Variants in SNTG1 observed in about 807,000 individuals in gnomAD.
The protein encoded by SNTG1 is syntrophin gamma 1.
Under a neutral mutation model 74.7 loss-of-function variants are expected in SNTG1, and 39 were observed. The ratio of observed to expected loss-of-function variants is 0.52; its 90% CI spans 0.40 to 0.68. SNTG1 has a LOEUF of 0.68. Among genes scored for constraint, SNTG1 ranks in the 30% least tolerant of loss-of-function variants. The probability of loss-of-function intolerance (pLI) is 0.00; values close to 1 mark genes in which losing one functional copy is unlikely to be tolerated. For missense variants in SNTG1, 685 were observed against 609.5 expected (o/e 1.12, Z -1.30); for synonymous variants, 254 against 217.1 (o/e 1.17, Z -1.49).
chr8:50,114,134 C>G (rs1324620266), intron 1 of SNTG1, among the ~76,000 whole-genome samples: 2 of 152,038 alleles, frequency 1.3e-5, no homozygotes, highest in Non-Finnish European at 1.5e-5. Context: ...TACTATATCA[C>G]ATAAGAGACA....
At chr8:50,053,783 T>A (rs929618899) in intron 1 of SNTG1, among the ~76,000 whole-genome samples, 3 of 151,912 alleles carry the variant, frequency 2.0e-5, no homozygotes, top group African/African-American at 4.8e-5. Flanking sequence ...TCCAGCCATT[T>A]ATTTATCTAC....
intron 1 of SNTG1, among the ~76,000 whole-genome samples, chr8:50,078,445 G>A (rs192342404): frequency 1.8e-4 from 28 of 151,980 alleles, no homozygotes; most frequent in Admixed American, 6.6e-4. Flanking sequence ...AGCAATGTTT[G>A]GTACATTTCA....
Position 50,075,367 on chromosome 8 carries a change from T to A in SNTG1, c.-102-97194T>A, listed in dbSNP as rs1430537732. ...ACTTTTATGTCTGGCTGGAGGATTG[T>A]ATATGCACCAATCAGCACTCTGTGT... On this transcript the variant is annotated intron_variant, in intron 1 of 18. Transcript: ENST00000642720. Among the ~76,000 whole-genome samples, 4 of 152,212 alleles carry A rather than the reference T, an allele frequency of 2.6e-5. No homozygotes were observed. The East Asian group carries it at 7.7e-4, about 29-fold the overall frequency.
intron 13 of SNTG1, among the ~76,000 whole-genome samples, chr8:50,591,357 C>G (rs6473247): frequency 5.3e-5 from 8 of 151,836 alleles, no homozygotes; most frequent in African/African-American, 1.9e-4. Context: ...TTCTATAAAC[C>G]TCTTACTCTT....
chr8:50,231,214 T>C (rs1054378152), intron 2 of SNTG1, among the ~76,000 whole-genome samples: 2 of 151,318 alleles, frequency 1.3e-5, no homozygotes, highest in South Asian at 2.1e-4. Flanking sequence ...ATGGTTGTTA[T>C]TAAAGAAAAG....
At chr8:50,331,660 A>G (rs908840385) in intron 2 of SNTG1, among the ~76,000 whole-genome samples, 1 of 152,170 alleles carries the variant, frequency 6.6e-6, no homozygotes, top group Non-Finnish European at 1.5e-5. Flanking sequence ...TGGTTAAGAG[A>G]AGTATCTGCA....
intron 2 of SNTG1, among the ~76,000 whole-genome samples, chr8:50,302,692 TTC>T (rs2089705596): frequency 6.6e-6 from 1 of 152,168 alleles, no homozygotes; most frequent in Admixed American, 6.5e-5. Flanking sequence ...TGCCTCCATT[TTC>T]TCTCTGTCTT....
intron 9 of SNTG1, among the ~76,000 whole-genome samples, chr8:50,509,935 C>A (rs956701191): frequency 1.3e-5 from 2 of 152,146 alleles, no homozygotes; most frequent in African/African-American, 4.8e-5. Flanking sequence ...TTGTCCTGTG[C>A]AGAGCTTCCA....
At chr8:50,686,092 G>T (rs1371488449) in intron 15 of SNTG1, among the ~76,000 whole-genome samples, 2 of 152,050 alleles carry the variant, frequency 1.3e-5, no homozygotes, top group African/African-American at 4.8e-5. Context: ...TGAGATATTA[G>T]AAATATTATG....
At chr8:49,987,971 C>T (rs1196972846) in intron 1 of SNTG1, among the ~76,000 whole-genome samples, 1 of 152,014 alleles carries the variant, frequency 6.6e-6, no homozygotes, top group Non-Finnish European at 1.5e-5. Flanking sequence ...ACTGCAATTA[C>T]CTTTGCACGA....
chr8:50,402,084 A>C, intron 3 of SNTG1, 126 bp from the exon 4 acceptor site: 1 of 917,160 alleles, frequency 1.1e-6, no homozygotes, highest in Non-Finnish European at 1.6e-6. Context: ...TTTCAGGCTC[A>C]TCAGAGTGTG....
At chr8:50,061,080 T>C (rs971371162) in intron 1 of SNTG1, among the ~76,000 whole-genome samples, 1 of 152,152 alleles carries the variant, frequency 6.6e-6, no homozygotes, top group African/African-American at 2.4e-5. Flanking sequence ...TGGAAAATGA[T>C]CTCTTCTTTA....
chr8:50,260,572 T>C (rs2087137135), intron 2 of SNTG1, among the ~76,000 whole-genome samples: 1 of 148,076 alleles, frequency 6.8e-6, no homozygotes, highest in African/African-American at 2.5e-5. Context: ...CAAAAGAGAG[T>C]TTGAAACAAC....
At chr8:50,656,274 C>T (rs528151840) in intron 13 of SNTG1, among the ~76,000 whole-genome samples, 71 of 152,276 alleles carry the variant, frequency 4.7e-4, no homozygotes, top group African/African-American at 1.7e-3. Context: ...AGTGGCTCAT[C>T]TCACAAAATC....
At chr8:50,378,865 G>A (rs1186714877) in intron 2 of SNTG1, among the ~76,000 whole-genome samples, 2 of 152,110 alleles carry the variant, frequency 1.3e-5, no homozygotes, top group Non-Finnish European at 2.9e-5. Context: ...GAAAGGGCAT[G>A]TGATTAGTCC....
chr8:50,173,264 G>A (rs543040456), intron 2 of SNTG1, among the ~76,000 whole-genome samples: 8 of 152,158 alleles, frequency 5.3e-5, no homozygotes, highest in Non-Finnish European at 1.2e-4. Flanking sequence ...GTTACTTTAG[G>A]AAGGAATCAT....
chr8:50,502,952 TTGG>T, intron 9 of SNTG1, 72 bp downstream of exon 9: 1 of 1,282,858 alleles, frequency 7.8e-7, no homozygotes, highest in Admixed American at 2.1e-5. Flanking sequence ...TTGACAATAA[TTGG>T]TGATTTCTTC....
At chr8:50,493,482 C>A (rs2093876427) in intron 8 of SNTG1, among the ~76,000 whole-genome samples, 4 of 152,208 alleles carry the variant, frequency 2.6e-5, no homozygotes, top group African/African-American at 7.2e-5. Flanking sequence ...AAATTTAAAA[C>A]AATTGGCAAA....
chr8:50,724,608 A>C (rs560270054), intron 17 of SNTG1, among the ~76,000 whole-genome samples: 1 of 152,286 alleles, frequency 6.6e-6, no homozygotes, highest in East Asian at 1.9e-4. Context: ...ATTAATAAGT[A>C]GACTAATCAT....
Sources: gnomAD v4.1 joint callset for allele counts (sites outside exome capture counted in the v4.1 genomes callset) on GRCh38, gnomAD v4.1.1 for gene constraint, MANE v1.5 for transcripts, NCBI Gene and HGNC (gene_info 2026-07-23, HGNC 2026-07-21) for gene names.